SORCS2: variants seen among roughly 807,000 people sequenced by gnomAD.
SORCS2 encodes sortilin related VPS10 domain containing receptor 2, also known as VPS10 domain-containing receptor SorCS2.
In SORCS2, 100 loss-of-function variants were observed where a neutral mutation model predicts 141.6. The ratio of observed to expected loss-of-function variants is 0.71; its 90% CI spans 0.60 to 0.83. The LOEUF (loss-of-function observed/expected upper bound fraction) is 0.83. Ranked by LOEUF, SORCS2 falls within the 40% of genes least tolerant of loss-of-function variation. The pLI is 0.00. For synonymous variants in SORCS2, 789 were observed against 676.9 expected (o/e 1.17, Z -2.57); for missense variants, 1,646 against 1,560.2 (o/e 1.05, Z -0.93).
intron 3 of SORCS2, among the ~76,000 whole-genome samples, chr4:7,604,981 C>T (rs981807872): frequency 6.6e-6 from 1 of 152,186 alleles, no homozygotes; most frequent in African/African-American, 2.4e-5. Flanking sequence ...AGTTAGGATT[C>T]ATTTCAGCCA....
At chr4:7,209,613 G>A (rs535313987) in intron 1 of SORCS2, among the ~76,000 whole-genome samples, 1 of 152,248 alleles carries the variant, frequency 6.6e-6, no homozygotes, top group African/African-American at 2.4e-5. Flanking sequence ...CATGTTTGGA[G>A]CAGTCAGGCA....
At chr4:7,369,873 C>T (rs540580981) in intron 1 of SORCS2, among the ~76,000 whole-genome samples, 37 of 152,362 alleles carry the variant, frequency 2.4e-4, no homozygotes, top group Admixed American at 1.6e-3. Flanking sequence ...ACTTCCGGAG[C>T]TTTCGCACAC....
rs1296243405 is a variant in SORCS2 at position 7,740,185 on chromosome 4, T to G, written c.3416-15T>G. 4 of 1,604,042 alleles carry G rather than the reference T, an allele frequency of 2.5e-6. No homozygotes were observed. Among genetic ancestry groups the G allele is most frequent in the Non-Finnish European group, 3.4e-6 (4 of 1,177,818 alleles). On this transcript the variant is annotated splice_polypyrimidine_tract_variant and intron_variant, in intron 26 of 26. Transcript: ENST00000507866. Reference sequence around the variant, plus strand: ...GGCTTGTGCTCACGGGACCTGCGTCTCTTCTGTTTCCTAGGCAACCACTCA... The same window carrying G: ...GGCTTGTGCTCACGGGACCTGCGTCGCTTCTGTTTCCTAGGCAACCACTCA...
intron 2 of SORCS2, among the ~76,000 whole-genome samples, chr4:7,445,651 G>A (rs546844216): frequency 6.6e-4 from 101 of 152,282 alleles, no homozygotes; most frequent in Middle Eastern, 6.8e-3. Context: ...GCCAGAGGAG[G>A]AGGCAAGGGC....
At chr4:7,724,483 A>ACGATGG (rs1553808415) in intron 19 of SORCS2, among the ~76,000 whole-genome samples, 1 of 97,330 alleles carries the variant, frequency 1.0e-5, no homozygotes, top group Non-Finnish European at 2.0e-5. Context: ...GATGGTGGTG[A>ACGATGG]TGGTGGTGGT....
chr4:7,669,796 G>A (rs1231111130), intron 8 of SORCS2, among the ~76,000 whole-genome samples: 1 of 152,136 alleles, frequency 6.6e-6, no homozygotes, highest in Non-Finnish European at 1.5e-5. Flanking sequence ...GGGCTTTTAC[G>A]TAGCTGAATT....
chr4:7,596,893 A>G (rs944426859), intron 3 of SORCS2, among the ~76,000 whole-genome samples: 2 of 152,174 alleles, frequency 1.3e-5, no homozygotes, highest in African/African-American at 2.4e-5. Context: ...CATTCAGATC[A>G]TGAAGGTCTC....
chr4:7,290,693 T>C (rs1716539911), intron 1 of SORCS2, among the ~76,000 whole-genome samples: 1 of 152,226 alleles, frequency 6.6e-6, no homozygotes, highest in Admixed American at 6.5e-5. Flanking sequence ...GCATTATGTA[T>C]GTGCGTGTGT....
intron 2 of SORCS2, among the ~76,000 whole-genome samples, chr4:7,425,171 A>G (rs1184741132): frequency 6.6e-6 from 1 of 152,212 alleles, no homozygotes; most frequent in Non-Finnish European, 1.5e-5. Context: ...TAGGAACAGC[A>G]CACCACGCAG....
rs895316518 is a variant in SORCS2 at position 7,268,453 on chromosome 4, G to A, written c.480+75327G>A. Among the ~76,000 whole-genome samples the A allele has an allele frequency of 1.5e-4, 23 of 152,284 alleles. 1 individual carries two copies. Among genetic ancestry groups the A allele is most frequent in the Non-Finnish European group, 2.6e-4 (18 of 68,022 alleles). On this transcript the variant is annotated intron_variant, in intron 1 of 26. Coordinates refer to ENST00000507866, the MANE Select transcript of SORCS2 (RefSeq NM_020777.3). ...CATCCCTCGTCATCCAGCATGCAATGGGGCCGTCAAACTGAAGGAAGCTGT... is the reference window on the plus strand; with the variant it reads ...CATCCCTCGTCATCCAGCATGCAATAGGGCCGTCAAACTGAAGGAAGCTGT...
chr4:7,500,779 G>C (rs1731919070), intron 2 of SORCS2, among the ~76,000 whole-genome samples: 1 of 152,210 alleles, frequency 6.6e-6, no homozygotes. Flanking sequence ...GGCTGCTGGA[G>C]GGCGGTAACG....
At chr4:7,388,444 T>C (rs1479787527) in intron 1 of SORCS2, among the ~76,000 whole-genome samples, 1 of 152,144 alleles carries the variant, frequency 6.6e-6, no homozygotes. Flanking sequence ...TTTATTTTAT[T>C]TGAAAAATGT....
intron 14 of SORCS2, among the ~76,000 whole-genome samples, chr4:7,707,285 C>T (rs192574952): frequency 1.5e-3 from 230 of 152,270 alleles, no homozygotes; most frequent in African/African-American, 4.6e-3. Flanking sequence ...TCATGGAGAA[C>T]GGGAACTTGT....
In SORCS2 at chr4:7,565,266, G is replaced by C. The variant is rs560505658; in HGVS notation, c.648+33637G>C. On this transcript the variant is annotated intron_variant, in intron 3 of 26. Transcript: ENST00000507866. ...ACCCTGAGACAGAAACTCCCACCCT[G>C]CTCCTGGGCTCAGAAGTGAGAGGAT... 4.6e-5 allele frequency among the ~76,000 whole-genome samples: 7 copies of C among 152,268 alleles called. No homozygotes were observed. In the East Asian group the frequency reaches 1.4e-3, roughly 29 times the overall value.
intron 2 of SORCS2, among the ~76,000 whole-genome samples, chr4:7,468,407 CCAG>C (rs1442030658): frequency 6.6e-6 from 1 of 152,172 alleles, no homozygotes; most frequent in Non-Finnish European, 1.5e-5. Flanking sequence ...TGGGATCAGC[CCAG>C]GGCCTGGAAC....
At chr4:7,404,635 C>T (rs149083104) in intron 2 of SORCS2, among the ~76,000 whole-genome samples, 2 of 152,220 alleles carry the variant, frequency 1.3e-5, no homozygotes, top group East Asian at 1.9e-4. Context: ...TGCCTGTCGA[C>T]CATGTGTATG....
rs139511210 is a variant in SORCS2, at chr4:7,648,948, C to T, written c.814-5186C>T. ...GTTCTGAGCGTAGCATGAGGGGACA[C>T]GCCTGGGGATCCCTCCCCCGAGCCC... On this transcript the variant is annotated intron_variant, in intron 4 of 26. Transcript: ENST00000507866. The surrounding 1 kb of genome is among the most constrained non-coding windows in gnomAD (Gnocchi z 4.2). Among the ~76,000 whole-genome samples, 105 of 152,266 alleles carry T rather than the reference C, an allele frequency of 6.9e-4. No homozygotes were observed. Among genetic ancestry groups the T allele is most frequent in the Middle Eastern group, 6.8e-3 (2 of 294 alleles).
In SORCS2 at chr4:7,682,652, G is replaced by A. The variant is rs181554327; in HGVS notation, c.1342-91G>A. The stretch of plus-strand genomic sequence containing the variant: ...TGTGAAATGAGGCCACATGTGCAGA[G>A]CACTTTAGCAAGGGGCTGGAGCATG... On this transcript the variant is annotated intron_variant, in intron 9 of 26. Transcript: ENST00000507866. The A allele has an allele frequency of 1.8e-4, 228 of 1,298,296 alleles. No individual in the cohort carries two copies. In the Middle Eastern group the frequency reaches 1.9e-3, roughly 11 times the overall value. 80.4% of individuals were successfully genotyped at this position (1,298,296 alleles called of 1,614,324 possible).
chr4:7,249,409 A>G (rs1713331897), intron 1 of SORCS2, among the ~76,000 whole-genome samples: 1 of 152,036 alleles, frequency 6.6e-6, no homozygotes, highest in African/African-American at 2.4e-5. Flanking sequence ...TAAGGCTGAA[A>G]CCAGAAGCTG....
Sources: allele counts gnomAD v4.1 joint callset (sites outside exome capture counted in the v4.1 genomes callset), GRCh38; gene constraint gnomAD v4.1.1; non-coding constraint Gnocchi (gnomAD v3.1); transcripts MANE v1.5; gene names NCBI Gene and HGNC (gene_info 2026-07-23, HGNC 2026-07-21).